USP34: variants seen among roughly 807,000 people sequenced by gnomAD.
USP34 encodes the protein ubiquitin carboxyl-terminal hydrolase 34.
In USP34, 70 loss-of-function variants were observed where a neutral mutation model predicts 460.3. The ratio of observed to expected loss-of-function variants is 0.15; its 90% confidence interval spans 0.13 to 0.19. The LOEUF is 0.19. USP34 is among the 10% of genes least tolerant of loss of function. The pLI is 1.00. For synonymous variants in USP34, 1,647 were observed against 1,405.3 expected, an observed-to-expected ratio of 1.17 and a Z score of -3.85; for missense variants, 3,985 against 4,236.2, an observed-to-expected ratio of 0.94 and a Z score of 1.65.
chr2:61,470,801 C>G lies in USP34; in HGVS notation c.-109G>C, dbSNP rs1695937344. 2 of 463,924 alleles carry G rather than the reference C, an allele frequency of 4.3e-6. No individual in the cohort carries two copies. Among genetic ancestry groups the G allele is most frequent in the Non-Finnish European group, 3.2e-6 (1 of 314,612 alleles). 28.7% of individuals were successfully genotyped at this position (463,924 alleles called of 1,614,324 possible). On this transcript the variant is annotated 5_prime_UTR_variant, in exon 1 of 80. Transcript: ENST00000398571. ...GGAGGGGGCCGGCCGGCCGGCGGGG[C>G]GGGGAGGCGACTAGGGCGGGCGGCG...
chr2:61,336,907 C>A (rs1281533038), intron 18 of USP34, among the ~76,000 whole-genome samples: 2 of 151,002 alleles, frequency 1.3e-5, no homozygotes, highest in Non-Finnish European at 3.0e-5. Flanking sequence ...TTCTTACAAT[C>A]TTTTCTTTTT....
At chr2:61,263,521 G>A (rs1188169393) in intron 43 of USP34, among the ~76,000 whole-genome samples, 7 of 140,050 alleles carry the variant, frequency 5.0e-5, no homozygotes, top group Admixed American at 7.3e-5. Context: ...TCGCTCTGTC[G>A]CCTAGGCTGC....
rs1691684115 is a variant in USP34, at chr2:61,344,013, T to C, written c.2302A>G (p.Met768Val). 1 of 1,613,840 alleles carries C rather than the reference T, an allele frequency of 6.2e-7. No individual in the cohort carries two copies. The highest frequency in any genetic ancestry group is 1.3e-5 in the African/African-American group (1 of 75,024). Reference protein sequence around the residue: ...HHHDGHMVDDMLSADDVSCSS... With the variant: ...HHHDGHMVDDVLSADDVSCSS... The stretch of plus-strand genomic sequence containing the variant: ...CAACTGACATCATCTGCACTTAGCA[T>C]ATCATCAACCATATGCCTACAAAAC... Residue 768 changes from methionine (M) to valine (V), a missense_variant, in exon 16 of 80, where the codon ATG (methionine) becomes GTG (valine). By Grantham distance (21) the Met-to-Val change is conservative. Transcript: ENST00000398571.
chr2:61,221,098 T>C (rs1389263242), intron 66 of USP34, among the ~76,000 whole-genome samples: 1 of 152,158 alleles, frequency 6.6e-6, no homozygotes, highest in African/African-American at 2.4e-5. Flanking sequence ...TGGGAGAAGA[T>C]TTGCTGTCCC....
intron 16 of USP34, among the ~76,000 whole-genome samples, chr2:61,341,753 TTC>T (rs1418293001): frequency 1.2e-4 from 18 of 146,898 alleles, no homozygotes; most frequent in African/African-American, 4.0e-4. Context: ...ACTCAGGTCT[TTC>T]TTTTTTTTTT....
chr2:61,317,635 A>G lies in USP34; in HGVS notation c.3282+19T>C, dbSNP rs1436583374. On this transcript the variant is annotated intron_variant, in intron 23 of 79. Coordinates refer to ENST00000398571, the MANE Select transcript of USP34 (RefSeq NM_014709.4). The stretch of plus-strand genomic sequence containing the variant: ...TTTGAGGAATAAAGTTGCCTAATAA[A>G]GTAAGTCTAAATCCATACCTCAGAA... The G allele has an allele frequency of 6.3e-7, 1 of 1,580,334 alleles. No individual in the cohort carries two copies. Among genetic ancestry groups the G allele is most frequent in the African/African-American group, 1.4e-5 (1 of 73,686 alleles).
intron 7 of USP34, 70 bp downstream of exon 7, chr2:61,380,099 T>C (rs979818246): frequency 9.5e-6 from 13 of 1,371,522 alleles, no homozygotes; most frequent in Non-Finnish European, 1.3e-5. Flanking sequence ...GCTCCATAAA[T>C]AGTGGGTAGT....
chr2:61,283,104 A>AT (rs1179725685), intron 37 of USP34, 41 bp downstream of exon 37: 1 of 1,593,552 alleles, frequency 6.3e-7, no homozygotes, highest in African/African-American at 1.4e-5. Context: ...ACATGAAAAC[A>AT]TACAAAAAAT....
intron 16 of USP34, among the ~76,000 whole-genome samples, chr2:61,340,566 C>A (rs1467470341): frequency 6.6e-6 from 1 of 152,150 alleles, no homozygotes; most frequent in East Asian, 1.9e-4. Flanking sequence ...CTCCCTAACA[C>A]CGTAGTACTG....
At chr2:61,464,619 T>C (rs1695708225) in intron 1 of USP34, among the ~76,000 whole-genome samples, 1 of 145,768 alleles carries the variant, frequency 6.9e-6, no homozygotes, top group Non-Finnish European at 1.5e-5. Flanking sequence ...ACACCAGGCG[T>C]GGTGGCTCAC....
chr2:61,398,449 T>C (rs1016617498), intron 3 of USP34, among the ~76,000 whole-genome samples: 11 of 60,966 alleles, frequency 1.8e-4, no homozygotes, highest in East Asian at 7.6e-4. Flanking sequence ...GAGGGGAAAG[T>C]GGGGGAAGGA....
intron 2 of USP34, among the ~76,000 whole-genome samples, chr2:61,412,586 A>G (rs959812113): frequency 6.6e-6 from 1 of 152,082 alleles, no homozygotes; most frequent in Non-Finnish European, 1.5e-5. Flanking sequence ...ATAGAAAAAA[A>G]TATTAATAAT....
chr2:61,310,510 T>C (rs1482107744), intron 27 of USP34, among the ~76,000 whole-genome samples: 2 of 151,732 alleles, frequency 1.3e-5, no homozygotes, highest in African/African-American at 2.4e-5. Context: ...AATTCTACCA[T>C]TTGTGCTTTA....
At chr2:61,397,310 G>A (rs1000349333) in intron 3 of USP34, among the ~76,000 whole-genome samples, 7 of 151,872 alleles carry the variant, frequency 4.6e-5, no homozygotes, top group Non-Finnish European at 7.4e-5. Flanking sequence ...AGGTGTGATG[G>A]TAGGCACCTG....
intron 12 of USP34, 51 bp from the exon 13 acceptor site, chr2:61,349,336 CTTT>C (rs1558543054): frequency 1.9e-6 from 3 of 1,569,816 alleles, no homozygotes; most frequent in Admixed American, 1.8e-5. Context: ...GACTCAGCTT[CTTT>C]GAGACAGCGT....
At chr2:61,373,874 G>A (rs1692706637) in intron 8 of USP34, among the ~76,000 whole-genome samples, 1 of 152,132 alleles carries the variant, frequency 6.6e-6, no homozygotes, top group Non-Finnish European at 1.5e-5. Flanking sequence ...AAATGGCGTG[G>A]CCAAGTACGG....
chr2:61,288,096 T>A (rs1278075192), intron 34 of USP34, among the ~76,000 whole-genome samples: 1 of 152,228 alleles, frequency 6.6e-6, no homozygotes, highest in African/African-American at 2.4e-5. Flanking sequence ...TCAGCTTTTT[T>A]AGGCACTCCT....
chr2:61,236,640 C>T (rs1423392971), intron 53 of USP34, among the ~76,000 whole-genome samples: 1 of 152,044 alleles, frequency 6.6e-6, no homozygotes, highest in Non-Finnish European at 1.5e-5. Flanking sequence ...AAAAATGCTG[C>T]AAGAATTCTG....
chr2:61,281,124 A>C lies in USP34; in HGVS notation c.5117T>G (p.Phe1706Cys). 1 of 1,613,866 alleles carries C rather than the reference A, an allele frequency of 6.2e-7. No homozygotes were observed. The highest frequency in any genetic ancestry group is 8.5e-7 in the Non-Finnish European group (1 of 1,179,882). Residue 1706 changes from phenylalanine to cysteine, a missense_variant, in exon 38 of 80, where the codon TTT becomes TGT. Phe to Cys is a radical substitution (Grantham distance 205, BLOSUM62 -2). This residue lies in a region of USP34 where 1,114 missense variants were observed against 1,122.5 expected (regional missense o/e 0.99). Transcript: ENST00000398571. ...TTTGAGTGCTTGAGCATCAGGAAGA[A>C]ATTTCAATAATGTTGAGGCAGCCAA... ...LLLAASTLLK[F>C]LPDAQALKPI... is the part of the protein sequence containing the mutation.
Sources: allele counts gnomAD v4.1 joint callset (sites outside exome capture counted in the v4.1 genomes callset), GRCh38; gene constraint gnomAD v4.1.1; regional missense constraint gnomAD v4.1.1; transcripts MANE v1.5; gene names NCBI Gene and HGNC (gene_info 2026-07-23, HGNC 2026-07-21).